ALG14: variants seen among roughly 807,000 people sequenced by gnomAD.
The protein encoded by ALG14 is UDP-N-acetylglucosamine transferase subunit ALG14.
In ALG14, 17 loss-of-function variants were observed where a neutral mutation model predicts 22.8. The ratio of observed to expected loss-of-function variants is 0.75; its 90% confidence interval spans 0.51 to 1.12. ALG14 has a LOEUF of 1.12. Among genes scored for constraint, ALG14 ranks in the 50% most tolerant of loss-of-function variants. The pLI, the probability that ALG14 is intolerant of heterozygous loss-of-function variation, is 0.00. For missense variants in ALG14, 288 were observed against 271.8 expected (o/e 1.06, Z -0.42); for synonymous variants, 89 against 103.7 (o/e 0.86, Z 0.86).
At chr1:95,052,560 C>T (rs901774503) in intron 2 of ALG14, among the ~76,000 whole-genome samples, 3 of 151,908 alleles carry the variant, frequency 2.0e-5, no homozygotes, top group African/African-American at 4.8e-5. Flanking sequence ...TAACAATTTA[C>T]GAATAATGTG....
intron 3 of ALG14, among the ~76,000 whole-genome samples, chr1:95,007,354 A>C (rs1673246237): frequency 6.6e-6 from 1 of 152,238 alleles, no homozygotes; most frequent in South Asian, 2.1e-4. Flanking sequence ...TTTTTCCCTT[A>C]ACAGACTGTG....
intron 3 of ALG14, among the ~76,000 whole-genome samples, chr1:94,991,146 A>C (rs951979100): frequency 2.0e-5 from 3 of 152,262 alleles, no homozygotes; most frequent in Admixed American, 2.0e-4. Context: ...TATTGAGCAA[A>C]GATAATATGA....
chr1:95,056,964 G>A (rs558400193), intron 2 of ALG14, among the ~76,000 whole-genome samples: 132 of 149,578 alleles, frequency 8.8e-4, no homozygotes, highest in African/African-American at 3.1e-3. Context: ...GCTAAGGCTG[G>A]AGAATTGCTT....
intron 3 of ALG14, among the ~76,000 whole-genome samples, chr1:95,001,156 G>A (rs1277008582): frequency 6.6e-6 from 1 of 152,204 alleles, no homozygotes; most frequent in Non-Finnish European, 1.5e-5. Context: ...CCCCAGGTGG[G>A]AAGAGTACAG....
chr1:95,011,147 C>A (rs1673348909), intron 3 of ALG14, among the ~76,000 whole-genome samples: 1 of 152,158 alleles, frequency 6.6e-6, no homozygotes, highest in Admixed American at 6.5e-5. Flanking sequence ...CTGTGACCTT[C>A]CAAAATTCAT....
rs568193743 is a variant in ALG14, at chr1:94,974,553, G to C, written c.*8523C>G. On this transcript the variant is annotated 3_prime_UTR_variant, in exon 4 of 4. Coordinates refer to ENST00000370205, the MANE Select transcript of ALG14 (RefSeq NM_144988.4). ...AGAATCCATTGGTTTCTTTTTCACT[G>C]CTGCATGCAGGCCAAGGAGAAAGGA... 42 of 152,250 alleles carry C rather than the reference G, an allele frequency of 2.8e-4. No homozygotes were observed. Among genetic ancestry groups the C allele is most frequent in the Admixed American group, 1.6e-3 (25 of 15,296 alleles). 9.4% of individuals were successfully genotyped at this position (152,250 alleles called of 1,614,324 possible). A position where few individuals can be genotyped will look rare whatever the true frequency, so the allele number is the denominator to read the frequency against.
At chr1:95,019,546 T>C (rs566147634) in intron 3 of ALG14, among the ~76,000 whole-genome samples, 49 of 152,278 alleles carry the variant, frequency 3.2e-4, no homozygotes, top group African/African-American at 1.1e-3. Flanking sequence ...TATTTGCCCA[T>C]GTATCTTAGG....
intron 3 of ALG14, among the ~76,000 whole-genome samples, chr1:94,996,600 T>A (rs886675051): frequency 1.3e-5 from 2 of 152,242 alleles, no homozygotes; most frequent in Non-Finnish European, 2.9e-5. Context: ...CGGAGTCATC[T>A]CTTAGAAGGC....
chr1:95,035,431 T>C (rs769254821), intron 2 of ALG14, among the ~76,000 whole-genome samples: 28 of 152,338 alleles, frequency 1.8e-4, no homozygotes, highest in Non-Finnish European at 3.8e-4. Flanking sequence ...CCATGTCCCA[T>C]AGTACTCTGT....
chr1:95,034,983 G>A (rs1401445123), intron 2 of ALG14, among the ~76,000 whole-genome samples: 3 of 152,168 alleles, frequency 2.0e-5, no homozygotes, highest in South Asian at 4.1e-4. Context: ...ACCAGTGACC[G>A]CCCGCCACCT....
At chr1:95,021,428 C>T (rs1673658633) in intron 3 of ALG14, among the ~76,000 whole-genome samples, 2 of 152,156 alleles carry the variant, frequency 1.3e-5, no homozygotes, top group East Asian at 1.9e-4. Context: ...TTTAATGATC[C>T]CACTTAACTT....
intron 2 of ALG14, among the ~76,000 whole-genome samples, chr1:95,063,731 G>T (rs1393375082): frequency 1.3e-5 from 2 of 152,160 alleles, no homozygotes; most frequent in Non-Finnish European, 2.9e-5. Context: ...CTCCAGCTTT[G>T]TTCTTTTTGC....
chr1:95,056,474 G>C (rs1261010477), intron 2 of ALG14, among the ~76,000 whole-genome samples: 2 of 151,604 alleles, frequency 1.3e-5, no homozygotes, highest in Non-Finnish European at 1.5e-5. Flanking sequence ...GAGAAATTCT[G>C]TCTCTACAAA....
intron 2 of ALG14, among the ~76,000 whole-genome samples, chr1:95,053,500 A>T (rs1674822256): frequency 6.6e-6 from 1 of 152,220 alleles, no homozygotes; most frequent in South Asian, 2.1e-4. Context: ...CAAAGAAAAA[A>T]GACCAATTCA....
chr1:95,029,116 C>T (rs899456236), intron 2 of ALG14, among the ~76,000 whole-genome samples: 2 of 152,154 alleles, frequency 1.3e-5, no homozygotes, highest in Non-Finnish European at 2.9e-5. Flanking sequence ...CTTGCAGTGA[C>T]TCATGAACTT....
At chr1:95,032,346 TA>T (rs1032558383) in intron 2 of ALG14, among the ~76,000 whole-genome samples, 11 of 152,208 alleles carry the variant, frequency 7.2e-5, no homozygotes, top group African/African-American at 2.6e-4. Context: ...GGCCACTCTT[TA>T]AATGGGTTGA....
chr1:95,028,664 C>T (rs560785929), intron 2 of ALG14, among the ~76,000 whole-genome samples: 1 of 122,522 alleles, frequency 8.2e-6, no homozygotes, highest in East Asian at 2.2e-4. Flanking sequence ...ACAAAAAATA[C>T]AAAAAATAGC....
intron 3 of ALG14, among the ~76,000 whole-genome samples, chr1:95,018,285 C>T (rs1448833030): frequency 6.6e-6 from 1 of 151,988 alleles, no homozygotes; most frequent in East Asian, 1.9e-4. Context: ...TCTGTAATCC[C>T]AGCACTTTGG....
chr1:94,998,935 G>A (rs971408983), intron 3 of ALG14, among the ~76,000 whole-genome samples: 2 of 152,030 alleles, frequency 1.3e-5, no homozygotes, highest in African/African-American at 4.8e-5. Context: ...GTACAAAGCA[G>A]GTACACACAA....
Sources: allele counts gnomAD v4.1 joint callset (sites outside exome capture counted in the v4.1 genomes callset), GRCh38; gene constraint gnomAD v4.1.1; transcripts MANE v1.5; gene names NCBI Gene and HGNC (gene_info 2026-07-23, HGNC 2026-07-21).